Variants in ATXN10 observed in about 807,000 individuals in gnomAD.
ATXN10 encodes ataxin-10.
ATXN10 carries 28 observed loss-of-function variants against 52.9 expected under a neutral mutation model. The observed-to-expected ratio is 0.53, with a 90% CI of 0.39 to 0.73. The LOEUF is 0.73. ATXN10 is among the 30% of genes least tolerant of loss of function. The probability of loss-of-function intolerance (pLI) is 0.00; values close to 1 mark genes in which losing one functional copy is unlikely to be tolerated. For synonymous variants in ATXN10, 226 were observed against 221.5 expected (o/e 1.02, Z -0.18); for missense variants, 565 against 577.0 (o/e 0.98, Z 0.21).
At position 45,702,774 on chromosome 22, in the gene ATXN10, G is replaced by T; in HGVS notation, c.574G>T (p.Glu192Ter). 1 of 1,613,988 alleles carries T rather than the reference G, an allele frequency of 6.2e-7. No homozygotes were observed. Among genetic ancestry groups the T allele is most frequent in the Non-Finnish European group, 8.5e-7 (1 of 1,179,958 alleles). ...ATCCCTTAATCATGAAAGAATGAAAGAACTGGAGGAGAACCTCAATATTGC... is the reference window on the plus strand; with the variant it reads ...ATCCCTTAATCATGAAAGAATGAAATAACTGGAGGAGAACCTCAATATTGC... ...FTSLNHERMK[E>*]LEENLNIAID... The change falls in exon 5 of 12, where the codon GAA (glutamate) becomes TAA (stop). Residue 192 changes from glutamate to a stop codon, truncating the protein, a stop_gained. Transcript: ENST00000252934. LOFTEE classifies it high-confidence loss of function.
In ATXN10 at chr22:45,689,853, G is replaced by T; in HGVS notation, c.258G>T (p.Arg86Ser). Residue 86 changes from arginine to serine, a missense_variant, in exon 2 of 12, where the codon AGG (arginine) becomes AGT (serine). Arg to Ser is a moderately radical substitution (Grantham distance 110). Transcript: ENST00000252934. ...TGCAGTTAATAACAGAATGCTTCAG[G>T]TGTCTTCGCAATGCTTGCATAGAGT... is the stretch of plus-strand genomic sequence containing the variant. ...SSLQLITECF[R>S]CLRNACIECS... 6.2e-7 allele frequency: 1 copy of T among 1,614,158 alleles called. No individual in the cohort carries two copies. Among genetic ancestry groups the T allele is most frequent in the Non-Finnish European group, 8.5e-7 (1 of 1,180,028 alleles).
chr22:45,730,268 C>A (rs1439779269), intron 7 of ATXN10, among the ~76,000 whole-genome samples: 1 of 149,206 alleles, frequency 6.7e-6, no homozygotes. Context: ...CACTTGAGCC[C>A]AGGAGGTTGA....
At chr22:45,686,811 T>TC (rs1923158668) in intron 1 of ATXN10, among the ~76,000 whole-genome samples, 2 of 96,010 alleles carry the variant, frequency 2.1e-5, no homozygotes, top group Non-Finnish European at 3.9e-5. Flanking sequence ...AGAGCAAGAC[T>TC]CCATCTCAAA....
intron 9 of ATXN10, among the ~76,000 whole-genome samples, chr22:45,751,799 T>C (rs2146817631): frequency 7.0e-6 from 1 of 142,598 alleles, no homozygotes; most frequent in East Asian, 2.0e-4. Context: ...AGATGGGAAA[T>C]GTCTGTCCCA....
Position 45,828,196 on chromosome 22 carries a change from TTAAAAA to T in ATXN10, c.1238-14794_1238-14789del, listed in dbSNP as rs896120261. On this transcript the variant is annotated intron_variant, in intron 10 of 11. Transcript: ENST00000252934. This position sits in a 1 kb window ranked among gnomAD's most constrained non-coding sequence, Gnocchi z 4.5. ...TGAAGCCCCATCTCTATTAAAAACT[TTAAAAA>T]AGAAAAAAAAAAGAAGAAAAAAATA... Among the ~76,000 whole-genome samples the T allele has an allele frequency of 7.8e-5, 11 of 141,164 alleles. No homozygotes were observed. The highest frequency in any genetic ancestry group is 2.9e-4 in the African/African-American group (11 of 37,624). 92.6% of individuals were successfully genotyped at this position (141,164 alleles called of 152,430 possible).
At chr22:45,748,871 C>T (rs1925837864) in intron 9 of ATXN10, among the ~76,000 whole-genome samples, 1 of 152,108 alleles carries the variant, frequency 6.6e-6, no homozygotes, top group Non-Finnish European at 1.5e-5. Context: ...ATTAAAATTC[C>T]TATCTAGAGG....
rs186773354 is a variant in ATXN10, at chr22:45,702,318, A to T, written c.489-371A>T. Among the ~76,000 whole-genome samples, 81 of 152,308 alleles carry T rather than the reference A, an allele frequency of 5.3e-4. 1 individual carries two copies. In the East Asian group the frequency reaches 0.013, roughly 25 times the overall value. Reference sequence around the variant, plus strand: ...TCCTGTAGGCATCTTGTCCCTAAGGACTATTAAAGCAGTGCCAGCAGTCAT... The same window carrying T: ...TCCTGTAGGCATCTTGTCCCTAAGGTCTATTAAAGCAGTGCCAGCAGTCAT... On this transcript the variant is annotated intron_variant, in intron 4 of 11. Transcript: ENST00000252934.
intron 9 of ATXN10, chr22:45,793,872 T>C: frequency 1.6e-6 from 2 of 1,278,722 alleles, no homozygotes; most frequent in East Asian, 6.2e-5. Flanking sequence ...ACAGCAACTT[T>C]GATTGAAGCA....
At chr22:45,699,526 C>G (rs1305159901) in intron 3 of ATXN10, among the ~76,000 whole-genome samples, 2 of 113,198 alleles carry the variant, frequency 1.8e-5, no homozygotes, top group South Asian at 3.0e-4. Flanking sequence ...GGGTCTGGGT[C>G]TGTCTCCCCG....
intron 10 of ATXN10, 27 bp downstream of exon 10, chr22:45,807,049 A>G (rs1377148772): frequency 6.3e-7 from 1 of 1,599,520 alleles, no homozygotes; most frequent in Non-Finnish European, 8.6e-7. Context: ...ATTACCATGC[A>G]CAAGTTTACA....
rs1277411644 is a variant in ATXN10, at chr22:45,672,085, C to T, written c.22C>T (p.Pro8Ser). 4 of 1,538,174 alleles carry T rather than the reference C, an allele frequency of 2.6e-6. No individual in the cohort carries two copies. The African/African-American group carries it at 5.5e-5, about 21-fold the overall frequency. Reference sequence around the variant, plus strand: ...CAAGATGGCGGCGCCCAGGCCGCCGCCTGCCAGGCTGTCGGGCGTCATGGT... The same window carrying T: ...CAAGATGGCGGCGCCCAGGCCGCCGTCTGCCAGGCTGTCGGGCGTCATGGT... MAAPRPP[P>S]ARLSGVMVPA... The change falls in exon 1 of 12, where the codon CCT becomes TCT. Residue 8 changes from proline (P) to serine (S), a missense_variant. Pro to Ser is a moderately conservative substitution (Grantham distance 74). Coordinates refer to ENST00000252934, the MANE Select transcript of ATXN10 (RefSeq NM_013236.4).
rs980641193 is a variant in ATXN10 at position 45,683,928 on chromosome 22, C to A, written c.117-5784C>A. 3.3e-5 allele frequency among the ~76,000 whole-genome samples: 5 copies of A among 152,084 alleles called. No individual in the cohort carries two copies. The highest frequency in any genetic ancestry group is 5.9e-5 in the Non-Finnish European group (4 of 68,014). Reference sequence around the variant, plus strand: ...TGCCTCTGTGCTAATTTCACCTTTTCTTAGCTTCTCTTTCATTTTCTTCTC... The same window carrying A: ...TGCCTCTGTGCTAATTTCACCTTTTATTAGCTTCTCTTTCATTTTCTTCTC... On this transcript the variant is annotated intron_variant, in intron 1 of 11. Coordinates refer to ENST00000252934, the MANE Select transcript of ATXN10 (RefSeq NM_013236.4). The surrounding 1 kb of genome is among the most constrained non-coding windows in gnomAD (Gnocchi z 4.8).
rs758463913 is a variant in ATXN10, at chr22:45,840,572, T to C, written c.1238-2419T>C. 5.3e-5 allele frequency among the ~76,000 whole-genome samples: 8 copies of C among 152,082 alleles called. No homozygotes were observed. The highest frequency in any genetic ancestry group is 1.2e-4 in the Non-Finnish European group (8 of 68,010). On this transcript the variant is annotated intron_variant, in intron 10 of 11. Coordinates refer to ENST00000252934, the MANE Select transcript of ATXN10 (RefSeq NM_013236.4). This position sits in a 1 kb window ranked among gnomAD's most constrained non-coding sequence, Gnocchi z 5.8. ...TGCAACATTGTCAGAGGCTGAGAGA[T>C]GAGGGCGCCTGGCAGGAGAGGTGGG...
rs1335268145 is a variant in ATXN10, at chr22:45,823,220, T to C, written c.1237+16198T>C. 1 of 471,078 alleles carries C rather than the reference T, an allele frequency of 2.1e-6. No homozygotes were observed. The highest frequency in any genetic ancestry group is 2.0e-5 in the African/African-American group (1 of 50,036). The allele number at this position is 471,078 out of a possible 1,614,324, so 29.2% of individuals were successfully genotyped here. A position where few individuals can be genotyped will look rare whatever the true frequency, so the allele number is the denominator to read the frequency against. ...CTCACTGCCAATCCCCAGATGTAACTTCTGTTCTGACTTCTATGATGTTTT... is the reference window on the plus strand; with the variant it reads ...CTCACTGCCAATCCCCAGATGTAACCTCTGTTCTGACTTCTATGATGTTTT... On this transcript the variant is annotated intron_variant, in intron 10 of 11. Transcript: ENST00000252934. This position sits in a 1 kb window ranked among gnomAD's most constrained non-coding sequence, Gnocchi z 4.9.
rs1227977741 is a variant in ATXN10 at position 45,763,823 on chromosome 22, T to C, written c.1173+23285T>C. On this transcript the variant is annotated intron_variant, in intron 9 of 11. Transcript: ENST00000252934. This position sits in a 1 kb window ranked among gnomAD's most constrained non-coding sequence, Gnocchi z 6.9. ...TTCTGGTGCTGGGAACAGCATAGCA[T>C]GGTGGTGGAGTGGGCTCACTGAGTG... Among the ~76,000 whole-genome samples, 2 of 152,224 alleles carry C rather than the reference T, an allele frequency of 1.3e-5. No homozygotes were observed. Among genetic ancestry groups the C allele is most frequent in the Non-Finnish European group, 2.9e-5 (2 of 68,042 alleles).
At chr22:45,730,873 AT>A (rs558090976) in intron 7 of ATXN10, among the ~76,000 whole-genome samples, 28 of 152,230 alleles carry the variant, frequency 1.8e-4, no homozygotes, top group Non-Finnish European at 3.8e-4. Flanking sequence ...AGGATATCAC[AT>A]GTTTAAAGCT....
chr22:45,716,793 A>G (rs1472278163), intron 5 of ATXN10, among the ~76,000 whole-genome samples: 1 of 152,248 alleles, frequency 6.6e-6, no homozygotes, highest in Admixed American at 6.5e-5. Flanking sequence ...CAAAAACAAT[A>G]GAAAAAATTC....
chr22:45,694,197 T>G (rs780819819), intron 3 of ATXN10, among the ~76,000 whole-genome samples: 5 of 152,154 alleles, frequency 3.3e-5, no homozygotes, highest in Non-Finnish European at 7.4e-5. Flanking sequence ...ATTAGTAGAA[T>G]GGTTTTGGTC....
rs1215527237 is a variant in ATXN10, at chr22:45,843,756, G to A, written c.*85G>A. ...ACCGTATGTGAAATTGCAAGTGTTT[G>A]AAGATTTATAAGTACAAATTTGGGA... On this transcript the variant is annotated 3_prime_UTR_variant, in exon 12 of 12. Transcript: ENST00000252934. The surrounding 1 kb of genome is among the most constrained non-coding windows in gnomAD (Gnocchi z 4.5). The A allele has an allele frequency of 2.2e-6, 3 of 1,360,116 alleles. No homozygotes were observed. The highest frequency in any genetic ancestry group is 2.9e-5 in the African/African-American group (2 of 70,118). The allele number at this position is 1,360,116 out of a possible 1,614,324, so 84.3% of individuals were successfully genotyped here. A position where few individuals can be genotyped will look rare whatever the true frequency, so the allele number is the denominator to read the frequency against.
Sources: allele counts gnomAD v4.1 joint callset (sites outside exome capture counted in the v4.1 genomes callset), GRCh38; gene constraint gnomAD v4.1.1; non-coding constraint Gnocchi (gnomAD v3.1); transcripts MANE v1.5; gene names NCBI Gene and HGNC (gene_info 2026-07-23, HGNC 2026-07-21).